The following GLRA3 variants were observed in gnomAD, a reference collection of about 807,000 sequenced individuals.
GLRA3 encodes glycine receptor subunit alpha-3.
A neutral mutation model predicts 60.4 loss-of-function variants in GLRA3; 44 were observed. The observed-to-expected ratio is 0.73, with a 90% confidence interval of 0.57 to 0.94. The LOEUF (loss-of-function observed/expected upper bound fraction) is 0.94, where lower values mean the gene tolerates loss of function less well. Among genes scored for constraint, GLRA3 ranks in the 40% least tolerant of loss-of-function variants. The pLI is 0.00. For synonymous variants in GLRA3, 223 were observed against 192.9 expected, an observed-to-expected ratio of 1.16 and a Z score of -1.29; for missense variants, 508 against 564.6, an observed-to-expected ratio of 0.90 and a Z score of 1.02.
chr4:174,659,296 T>A, intron 7 of GLRA3, 99 bp from the exon 8 acceptor site: 1 of 801,140 alleles, frequency 1.2e-6, no homozygotes. Context: ...ATGTCATTTA[T>A]ACATAAGTTT....
intron 2 of GLRA3, among the ~76,000 whole-genome samples, chr4:174,786,407 G>C (rs931816517): frequency 2.0e-5 from 3 of 152,064 alleles, no homozygotes; most frequent in Admixed American, 6.6e-5. Flanking sequence ...GGTGAGGTGG[G>C]CCCCTAGGTA....
chr4:174,810,945 A>G (rs1233268218), intron 1 of GLRA3, among the ~76,000 whole-genome samples: 4 of 152,160 alleles, frequency 2.6e-5, no homozygotes, highest in Non-Finnish European at 5.9e-5. Context: ...TGTTGCTCCT[A>G]GCTTCCTTCT....
chr4:174,691,760 T>A (rs75099150), intron 5 of GLRA3, among the ~76,000 whole-genome samples: 1 of 151,926 alleles, frequency 6.6e-6, no homozygotes, highest in Non-Finnish European at 1.5e-5. Flanking sequence ...ACCTCCCAGC[T>A]GCCTGCCTTG....
At chr4:174,740,898 T>TTA (rs1324909013) in intron 3 of GLRA3, among the ~76,000 whole-genome samples, 2 of 152,188 alleles carry the variant, frequency 1.3e-5, no homozygotes, top group African/African-American at 4.8e-5. Flanking sequence ...TTGACTTAAG[T>TTA]TATTGTGTGT....
At chr4:174,821,562 G>C (rs933522640) in intron 1 of GLRA3, among the ~76,000 whole-genome samples, 1 of 152,000 alleles carries the variant, frequency 6.6e-6, no homozygotes, top group Non-Finnish European at 1.5e-5. Flanking sequence ...TAAATATATA[G>C]AGAGAGTACA....
At chr4:174,729,291 A>G (rs1736461876) in intron 3 of GLRA3, among the ~76,000 whole-genome samples, 2 of 152,250 alleles carry the variant, frequency 1.3e-5, no homozygotes, top group Admixed American at 1.3e-4. Flanking sequence ...CATCCAGAAT[A>G]TATTTAGTGA....
chr4:174,793,574 G>A (rs1034957217), intron 1 of GLRA3, among the ~76,000 whole-genome samples: 5 of 151,814 alleles, frequency 3.3e-5, no homozygotes, highest in African/African-American at 7.2e-5. Context: ...TGTGTCAGCC[G>A]CCTAATGGGG....
intron 5 of GLRA3, among the ~76,000 whole-genome samples, chr4:174,690,789 C>T (rs1374297027): frequency 6.6e-6 from 1 of 152,146 alleles, no homozygotes; most frequent in South Asian, 2.1e-4. Flanking sequence ...AATTAGTTTG[C>T]CAAGGATAAT....
At chr4:174,813,970 G>A (rs567361700) in intron 1 of GLRA3, among the ~76,000 whole-genome samples, 1 of 152,312 alleles carries the variant, frequency 6.6e-6, no homozygotes, top group East Asian at 1.9e-4. Context: ...ACGGGAAGGG[G>A]AGCACACAGG....
chr4:174,686,056 A>T (rs1289680313), intron 5 of GLRA3, among the ~76,000 whole-genome samples: 1 of 152,206 alleles, frequency 6.6e-6, no homozygotes, highest in Non-Finnish European at 1.5e-5. Context: ...AGTCATCCAC[A>T]TTAGTTTAGG....
chr4:174,814,916 C>G (rs1360131457), intron 1 of GLRA3, among the ~76,000 whole-genome samples: 1 of 152,138 alleles, frequency 6.6e-6, no homozygotes, highest in Non-Finnish European at 1.5e-5. Context: ...CATGCCTTCC[C>G]AAGAGTCCCC....
At chr4:174,813,283 C>T (rs995972843) in intron 1 of GLRA3, among the ~76,000 whole-genome samples, 3 of 152,132 alleles carry the variant, frequency 2.0e-5, no homozygotes, top group African/African-American at 4.8e-5. Flanking sequence ...ATACAGTGCT[C>T]CTTTGGAAAA....
At chr4:174,698,886 G>T (rs1026083571) in intron 5 of GLRA3, among the ~76,000 whole-genome samples, 3 of 152,032 alleles carry the variant, frequency 2.0e-5, no homozygotes, top group African/African-American at 7.2e-5. Context: ...AAAAACTGAT[G>T]CAAGCTATTC....
At chr4:174,823,658 T>C (rs775603217) in intron 1 of GLRA3, among the ~76,000 whole-genome samples, 34 of 152,300 alleles carry the variant, frequency 2.2e-4, no homozygotes, top group Middle Eastern at 3.4e-3. Context: ...TTTCATGATA[T>C]AAGGAAAAGT....
At chr4:174,704,635 A>G (rs1215344754) in intron 5 of GLRA3, among the ~76,000 whole-genome samples, 6 of 143,956 alleles carry the variant, frequency 4.2e-5, no homozygotes, top group Non-Finnish European at 9.3e-5. Context: ...TCAAAAAGGT[A>G]TTTGACATTC....
intron 9 of GLRA3, 125 bp downstream of exon 9, chr4:174,656,618 C>A (rs1733217285): frequency 5.7e-6 from 3 of 524,930 alleles, no homozygotes; most frequent in Non-Finnish European, 1.1e-5. Context: ...ATGATATTTG[C>A]TCAGCTTTCA....
intron 1 of GLRA3, among the ~76,000 whole-genome samples, chr4:174,793,326 T>G (rs2111318342): frequency 6.6e-6 from 1 of 152,178 alleles, no homozygotes; most frequent in African/African-American, 2.4e-5. Flanking sequence ...GTGAGTAATT[T>G]TATTTACTCC....
intron 3 of GLRA3, among the ~76,000 whole-genome samples, chr4:174,735,346 G>C (rs1736732168): frequency 6.6e-6 from 1 of 152,114 alleles, no homozygotes; most frequent in Non-Finnish European, 1.5e-5. Context: ...ACTAGGAAGA[G>C]GAAGCTCATC....
At chr4:174,742,273 A>G (rs1430768283) in intron 3 of GLRA3, among the ~76,000 whole-genome samples, 3 of 152,152 alleles carry the variant, frequency 2.0e-5, no homozygotes, top group Non-Finnish European at 4.4e-5. Flanking sequence ...GTAAGAAAAT[A>G]TATTATTCGA....
Sources: gnomAD v4.1 joint callset for allele counts (sites outside exome capture counted in the v4.1 genomes callset) on GRCh38, gnomAD v4.1.1 for gene constraint, MANE v1.5 for transcripts, NCBI Gene and HGNC (gene_info 2026-07-23, HGNC 2026-07-21) for gene names.